ANK3: variants seen among roughly 807,000 people sequenced by gnomAD.
ANK3 encodes ankyrin-3.
In ANK3, 57 loss-of-function variants were observed where a neutral mutation model predicts 370.9. The observed-to-expected ratio is 0.15, with a 90% CI of 0.12 to 0.19. The LOEUF is 0.19. Among genes scored for constraint, ANK3 ranks in the 10% least tolerant of loss-of-function variants. The pLI is 1.00. For synonymous variants in ANK3, 1,929 were observed against 1,946.3 expected, an observed-to-expected ratio of 0.99 and a Z score of 0.23; for missense variants, 4,439 against 5,302.1, an observed-to-expected ratio of 0.84 and a Z score of 5.06.
intron 1 of ANK3, among the ~76,000 whole-genome samples, chr10:60,384,852 T>A (rs1336517350): frequency 6.6e-6 from 1 of 152,182 alleles, no homozygotes; most frequent in Non-Finnish European, 1.5e-5. Flanking sequence ...GATCTCTCTC[T>A]CACATCCTGC....
chr10:60,697,141 C>T (rs950916008), intron 1 of ANK3, among the ~76,000 whole-genome samples: 1 of 151,934 alleles, frequency 6.6e-6, no homozygotes, highest in Non-Finnish European at 1.5e-5. Context: ...CATGAGTGAA[C>T]TCCCATTCAC....
chr10:60,096,665 T>C (rs2090193168), intron 28 of ANK3, among the ~76,000 whole-genome samples: 1 of 152,218 alleles, frequency 6.6e-6, no homozygotes, highest in South Asian at 2.1e-4. Context: ...TCTCATCCTG[T>C]ACTTTGTCTT....
At chr10:60,549,300 A>C (rs2077039652) in intron 2 of ANK3, among the ~76,000 whole-genome samples, 1 of 152,208 alleles carries the variant, frequency 6.6e-6, no homozygotes, top group Non-Finnish European at 1.5e-5. Flanking sequence ...TAGAATATTA[A>C]TAATTAATAT....
At chr10:60,546,428 T>C (rs1259440224) in intron 2 of ANK3, among the ~76,000 whole-genome samples, 1 of 152,190 alleles carries the variant, frequency 6.6e-6, no homozygotes, top group African/African-American at 2.4e-5. Flanking sequence ...ATTTTTATCC[T>C]TCTGAAAGCA....
intron 2 of ANK3, among the ~76,000 whole-genome samples, chr10:60,437,697 G>A (rs113507865): frequency 0.011 from 1,607 of 152,320 alleles, 33 homozygotes; most frequent in African/African-American, 0.037. Flanking sequence ...GTGCATAAGG[G>A]GGAGAGGGGA....
intron 2 of ANK3, among the ~76,000 whole-genome samples, chr10:60,471,627 A>G (rs1406392755): frequency 1.3e-5 from 2 of 152,154 alleles, no homozygotes; most frequent in Non-Finnish European, 2.9e-5. Context: ...TTGTTTGATC[A>G]AACACTATAT....
chr10:60,562,752 T>A (rs2077368391), intron 2 of ANK3, among the ~76,000 whole-genome samples: 1 of 151,996 alleles, frequency 6.6e-6, no homozygotes, highest in African/African-American at 2.4e-5. Flanking sequence ...ATAAATTACA[T>A]CATCTAACAG....
rs113812927 is a variant in ANK3 at position 60,435,107 on chromosome 10, G to A, written c.97-155468C>T. ...GGTGTTACTTTAACAGTGATCATTG[G>A]AATAAAATGTCATAATGCATTGCTC... On this transcript the variant is annotated intron_variant, in intron 2 of 43. Transcript: ENST00000373827. 3.3e-3 allele frequency among the ~76,000 whole-genome samples: 507 copies of A among 152,246 alleles called. 3 individuals are homozygous for A. The highest frequency in any genetic ancestry group is 0.012 in the African/African-American group (481 of 41,536).
intron 2 of ANK3, among the ~76,000 whole-genome samples, chr10:60,613,759 C>CA (rs5785459): frequency 0.53 from 79,213 of 148,258 alleles, 21,018 homozygotes; most frequent in South Asian, 0.57. Context: ...TGAACAAAAA[C>CA]AAAAAAAAAA....
rs1326736953 is a variant in ANK3 at position 60,114,315 on chromosome 10, C to A, written c.2858G>T (p.Arg953Met). The part of the protein sequence containing the change: ...PSKEQHLTFT[R>M]EFDSDSLRHY... ...TCTAAGAGAATCTGAATCAAATTCC[C>A]TTGTGAATGTTAGATGCTGAAAAAT... The change falls in exon 26 of 44, where the codon AGG (arginine) becomes ATG (methionine). Residue 953 changes from arginine (R) to methionine (M), a missense_variant. By Grantham distance (91) the Arg-to-Met change is moderately conservative. This residue lies in a region of ANK3 where 702 missense variants were observed against 941.5 expected (regional missense o/e 0.75). Transcript: ENST00000280772. 3 of 1,600,832 alleles carry A rather than the reference C, an allele frequency of 1.9e-6. No homozygotes were observed. The highest frequency in any genetic ancestry group is 1.1e-5 in the South Asian group (1 of 89,386).
At chr10:60,393,904 G>A (rs1018463141), upstream of ANK3, among the ~76,000 whole-genome samples, 13 of 152,038 alleles carry the variant, frequency 8.6e-5, no homozygotes, top group South Asian at 8.3e-4. Context: ...GGAGTATATA[G>A]AATAATGGAA....
At chr10:60,411,812 C>A (rs1205914339) in intron 2 of ANK3, among the ~76,000 whole-genome samples, 1 of 152,096 alleles carries the variant, frequency 6.6e-6, no homozygotes, top group African/African-American at 2.4e-5. Context: ...AGAAAGTACT[C>A]ATGAGATTTT....
chr10:60,707,196 C>A (rs922817019), intron 1 of ANK3, among the ~76,000 whole-genome samples: 5 of 152,112 alleles, frequency 3.3e-5, no homozygotes, highest in Non-Finnish European at 5.9e-5. Flanking sequence ...TAATTTTAGA[C>A]TACAGATGTC....
chr10:60,139,349 T>C (rs2094472970), intron 23 of ANK3: 5 of 415,202 alleles, frequency 1.2e-5, no homozygotes, highest in African/African-American at 8.2e-5. Context: ...CGTATCCCTT[T>C]GCTTCCCTGT....
At chr10:60,107,519 T>C (rs545421944) in intron 27 of ANK3, among the ~76,000 whole-genome samples, 1 of 152,264 alleles carries the variant, frequency 6.6e-6, no homozygotes, top group East Asian at 1.9e-4. Context: ...AATACAACAA[T>C]CAAACAGACA....
At chr10:60,142,135 G>T (rs746841530) in intron 23 of ANK3, among the ~76,000 whole-genome samples, 8 of 152,134 alleles carry the variant, frequency 5.3e-5, no homozygotes, top group Non-Finnish European at 8.8e-5. Context: ...TCCTTCCACT[G>T]ACTTCTTGGC....
chr10:60,226,463 ATACATAGT>A (rs2097146491), intron 8 of ANK3, among the ~76,000 whole-genome samples: 2 of 113,620 alleles, frequency 1.8e-5, no homozygotes, highest in South Asian at 5.1e-4. Flanking sequence ...TATAGTATAT[ATACATAGT>A]ATATATACTA....
rs141082536 is a variant in ANK3, at chr10:60,653,860, C to T, written c.58-38636G>A. ...TGCAGCTTGGGTGACAGAGCAAGAACGTGTATCAAAAACAAACAAAATTGC... is the reference window on the plus strand; with the variant it reads ...TGCAGCTTGGGTGACAGAGCAAGAATGTGTATCAAAAACAAACAAAATTGC... On this transcript the variant is annotated intron_variant, in intron 1 of 43. Coordinates refer to the ANK3 transcript ENST00000373827. Among the ~76,000 whole-genome samples, 438 of 152,210 alleles carry T rather than the reference C, an allele frequency of 2.9e-3. 3 individuals are homozygous for T. Among genetic ancestry groups the T allele is most frequent in the African/African-American group, 9.9e-3 (412 of 41,520 alleles).
At position 60,026,778 on chromosome 10, in the gene ANK3, A is replaced by G. The variant is rs1013456176; in HGVS notation, c.*3068T>C. 2.6e-5 allele frequency: 4 copies of G among 152,256 alleles called. No individual in the cohort carries two copies. Among genetic ancestry groups the G allele is most frequent in the African/African-American group, 7.2e-5 (3 of 41,468 alleles). The allele number at this position is 152,256 out of a possible 1,614,324, so 9.4% of individuals were successfully genotyped here. A position where few individuals can be genotyped will look rare whatever the true frequency, so the allele number is the denominator to read the frequency against. ...GTGTATTGCCATAATTTGGCAATAC[A>G]GTGATAGCACATTTTAATTTAACAA... is the stretch of plus-strand genomic sequence containing the variant. On this transcript the variant is annotated 3_prime_UTR_variant, in exon 44 of 44. Transcript: ENST00000280772.
Sources: gnomAD v4.1 joint callset for allele counts (sites outside exome capture counted in the v4.1 genomes callset) on GRCh38, gnomAD v4.1.1 for gene constraint, gnomAD v4.1.1 regional missense constraint, MANE v1.5 for transcripts, NCBI Gene and HGNC (gene_info 2026-07-23, HGNC 2026-07-21) for gene names.